The following PRRC2B variants were observed in gnomAD, a reference collection of about 807,000 sequenced individuals.
The protein encoded by PRRC2B is proline rich coiled-coil 2B, also known as protein PRRC2B.
A neutral mutation model predicts 242.3 loss-of-function variants in PRRC2B; 68 were observed. That is an observed-to-expected ratio of 0.28 (90% CI 0.23 to 0.34). The LOEUF is 0.34. Ranked by LOEUF, PRRC2B falls within the 10% of genes least tolerant of loss-of-function variation. The probability of loss-of-function intolerance (pLI) is 1.00; values close to 1 mark genes in which losing one functional copy is unlikely to be tolerated. For missense variants in PRRC2B, 2,835 were observed against 2,954.8 expected (o/e 0.96, Z 0.94); for synonymous variants, 1,228 against 1,173.6 (o/e 1.05, Z -0.95).
chr9:131,400,000 GTTC>G (rs1488478969), intron 1 of PRRC2B, among the ~76,000 whole-genome samples: 4 of 152,242 alleles, frequency 2.6e-5, no homozygotes, highest in Non-Finnish European at 4.4e-5. Flanking sequence ...TTGCAGGTTT[GTTC>G]TTCTCTTCTG....
chr9:131,471,629 A>G (rs918637158), intron 14 of PRRC2B, among the ~76,000 whole-genome samples: 5 of 152,252 alleles, frequency 3.3e-5, no homozygotes, highest in African/African-American at 1.2e-4. Flanking sequence ...GCCATAAACA[A>G]TAGTAATTGA....
Position 131,432,733 on chromosome 9 carries a change from G to T in PRRC2B, c.232G>T (p.Val78Leu). 1 of 1,614,048 alleles carries T rather than the reference G, an allele frequency of 6.2e-7. No individual in the cohort carries two copies. Reference sequence around the variant, plus strand: ...AAACAAAGGAAACGACCCCAACATCGTGATAGTACCCAAGGACGGGACGGG... The same window carrying T: ...AAACAAAGGAAACGACCCCAACATCTTGATAGTACCCAAGGACGGGACGGG... ...SENKGNDPNI[V>L]IVPKDGTGWA... Residue 78 changes from valine (V) to leucine (L), a missense_variant, in exon 3 of 32, where the codon GTG (valine) becomes TTG (leucine). This residue lies in a region of PRRC2B where 626 missense variants were observed against 685.5 expected (regional missense o/e 0.91). Transcript: ENST00000683519.
Position 131,471,053 on chromosome 9 carries a change from C to T in PRRC2B, c.2107+70C>T, listed in dbSNP as rs933947017. 26 of 1,130,762 alleles carry T rather than the reference C, an allele frequency of 2.3e-5. No homozygotes were observed. In the African/African-American group the frequency reaches 2.9e-4, roughly 13 times the overall value. The allele number at this position is 1,130,762 out of a possible 1,614,324, so 70.0% of individuals were successfully genotyped here. On this transcript the variant is annotated intron_variant, in intron 14 of 31. Transcript: ENST00000683519. ...AGCGTGGTGGTCAAGGGTGTCCTCT[C>T]GAGTTAAACAGATACACCTGGATTT... is the stretch of plus-strand genomic sequence containing the variant.
chr9:131,394,697 C>G lies in PRRC2B; in HGVS notation c.-52+434C>G, dbSNP rs1490191109. On this transcript the variant is annotated intron_variant, in intron 1 of 31. Coordinates refer to ENST00000683519, the MANE Select transcript of PRRC2B (RefSeq NM_013318.4). Reference sequence around the variant, plus strand: ...TTTGCTCCCCGCCCCGCCCAATTGACGGAGCAGCGCGCCCGAGGCGGGATC... The same window carrying G: ...TTTGCTCCCCGCCCCGCCCAATTGAGGGAGCAGCGCGCCCGAGGCGGGATC... Among the ~76,000 whole-genome samples, 3 of 151,712 alleles carry G rather than the reference C, an allele frequency of 2.0e-5. No individual in the cohort carries two copies. In the East Asian group the frequency reaches 5.8e-4, roughly 30 times the overall value.
intron 3 of PRRC2B, among the ~76,000 whole-genome samples, chr9:131,433,883 A>G (rs1353895559): frequency 1.3e-5 from 2 of 152,380 alleles, no homozygotes; most frequent in African/African-American, 4.8e-5. Flanking sequence ...ATTATAAAGT[A>G]GTAATCAAAA....
At chr9:131,447,038 GT>G in intron 7 of PRRC2B, 46 bp from the exon 8 acceptor site, 1 of 1,611,784 alleles carries the variant, frequency 6.2e-7, no homozygotes, top group Non-Finnish European at 8.5e-7. Flanking sequence ...GGAAATTGCA[GT>G]TTCAGCCATT....
At chr9:131,403,681 A>G (rs1837284502) in intron 1 of PRRC2B, among the ~76,000 whole-genome samples, 1 of 488 alleles carries the variant, frequency 2.0e-3, no homozygotes, top group Non-Finnish European at 0.1. Context: ...AAAAAAAAAC[A>G]AAATTAAAAG....
At chr9:131,427,302 A>G (rs1046804983) in intron 1 of PRRC2B, among the ~76,000 whole-genome samples, 2 of 151,492 alleles carry the variant, frequency 1.3e-5, no homozygotes, top group African/African-American at 2.4e-5. Context: ...TTCACTCCCT[A>G]TGTTTCATTT....
intron 13 of PRRC2B, among the ~76,000 whole-genome samples, chr9:131,469,904 G>A (rs956020504): frequency 5.9e-5 from 9 of 152,180 alleles, no homozygotes; most frequent in Non-Finnish European, 2.9e-5. Context: ...GGTTCAGTGA[G>A]GGTTACCAGC....
intron 26 of PRRC2B, chr9:131,486,688 T>A: frequency 3.8e-6 from 1 of 262,230 alleles, no homozygotes; most frequent in Non-Finnish European, 5.9e-6. Flanking sequence ...CCCATGTGCC[T>A]CCACAGCCAC....
intron 11 of PRRC2B, among the ~76,000 whole-genome samples, chr9:131,463,147 A>G (rs1399533186): frequency 3.3e-5 from 5 of 152,156 alleles, no homozygotes; most frequent in Non-Finnish European, 5.9e-5. Context: ...CTCAGGTTCG[A>G]TGGCAAAGTG....
At chr9:131,476,914 G>A (rs1391682682) in intron 16 of PRRC2B, among the ~76,000 whole-genome samples, 6 of 152,188 alleles carry the variant, frequency 3.9e-5, no homozygotes, top group Non-Finnish European at 5.9e-5. Context: ...GCCAGGCGGC[G>A]TCCTAGGGGG....
At chr9:131,377,120 A>AT (rs11285924) in intron 1 of PRRC2B, among the ~76,000 whole-genome samples, 2,365 of 149,214 alleles carry the variant, frequency 0.016, 26 homozygotes, top group Middle Eastern at 0.031. Context: ...TGTACAATTA[A>AT]TTTTTTTTTT....
At chr9:131,436,572 C>A in intron 3 of PRRC2B, 48 bp from the exon 4 acceptor site, 1 of 1,482,392 alleles carries the variant, frequency 6.7e-7, no homozygotes, top group Non-Finnish European at 9.3e-7. Flanking sequence ...GAGACCTGGC[C>A]AGCGCACTCT....
chr9:131,444,407 G>A, intron 6 of PRRC2B, 79 bp downstream of exon 6: 1 of 1,494,864 alleles, frequency 6.7e-7, no homozygotes, highest in Non-Finnish European at 9.0e-7. Context: ...CTAAAAGGGT[G>A]CTGATGCCAC....
chr9:131,495,944 C>T lies in PRRC2B; in HGVS notation c.*70C>T. 1 of 1,564,946 alleles carries T rather than the reference C, an allele frequency of 6.4e-7. No homozygotes were observed. Among genetic ancestry groups the T allele is most frequent in the Non-Finnish European group, 8.7e-7 (1 of 1,150,672 alleles). On this transcript the variant is annotated 3_prime_UTR_variant, in exon 32 of 32. Coordinates refer to ENST00000683519, the MANE Select transcript of PRRC2B (RefSeq NM_013318.4). ...CGCCATGCGGCCTCGACACAGCCGACACTCGGGAGCCTCACCAGATCCACC... is the reference window on the plus strand; with the variant it reads ...CGCCATGCGGCCTCGACACAGCCGATACTCGGGAGCCTCACCAGATCCACC...
At chr9:131,480,186 C>T (rs1450885339) in intron 19 of PRRC2B, among the ~76,000 whole-genome samples, 4 of 152,234 alleles carry the variant, frequency 2.6e-5, no homozygotes, top group Non-Finnish European at 5.9e-5. Flanking sequence ...GGACTTGACT[C>T]AGGGACTCCA....
intron 3 of PRRC2B, among the ~76,000 whole-genome samples, chr9:131,436,064 C>G (rs989910613): frequency 2.0e-5 from 3 of 152,212 alleles, no homozygotes; most frequent in African/African-American, 7.2e-5. Flanking sequence ...GGTATGGGCT[C>G]TGGGTCTGGG....
At chr9:131,412,854 G>A (rs924122682) in intron 1 of PRRC2B, among the ~76,000 whole-genome samples, 8 of 148,786 alleles carry the variant, frequency 5.4e-5, no homozygotes, top group African/African-American at 2.0e-4. Context: ...AGTGCAGTGA[G>A]ACGATTATAG....
Sources: allele counts gnomAD v4.1 joint callset (sites outside exome capture counted in the v4.1 genomes callset), GRCh38; gene constraint gnomAD v4.1.1; regional missense constraint gnomAD v4.1.1; transcripts MANE v1.5; gene names NCBI Gene and HGNC (gene_info 2026-07-23, HGNC 2026-07-21).